Variants in ARHGEF10 observed in about 807,000 individuals in gnomAD.
The protein encoded by ARHGEF10 is Rho guanine nucleotide exchange factor (GEF) 10.
In ARHGEF10, 140 loss-of-function variants were observed where a neutral mutation model predicts 147.4. The observed-to-expected ratio is 0.95, with a 90% confidence interval of 0.83 to 1.09. The LOEUF is 1.09. Among genes scored for constraint, ARHGEF10 ranks in the 50% least tolerant of loss-of-function variants. The probability of loss-of-function intolerance (pLI) is 0.00; values close to 1 mark genes in which losing one functional copy is unlikely to be tolerated. For missense variants in ARHGEF10, 2,222 were observed against 1,752.7 expected, an observed-to-expected ratio of 1.27 and a Z score of -4.78; for synonymous variants, 902 against 695.8, an observed-to-expected ratio of 1.30 and a Z score of -4.67.
At chr8:1,889,084 C>A (rs1479315220) in intron 11 of ARHGEF10, among the ~76,000 whole-genome samples, 6 of 56,168 alleles carry the variant, frequency 1.1e-4, no homozygotes, top group African/African-American at 4.5e-4. Context: ...GGTGAGGGGT[C>A]CGTGAGGAGA....
At chr8:1,847,277 A>G (rs1399918467) in intron 2 of ARHGEF10, among the ~76,000 whole-genome samples, 2 of 152,190 alleles carry the variant, frequency 1.3e-5, no homozygotes, top group East Asian at 3.9e-4. Context: ...AACCCCTCTC[A>G]TAAGTTTGGG....
In ARHGEF10 at chr8:1,945,633, C is replaced by T. The variant is rs1281477479; in HGVS notation, c.3375C>T (p.Thr1125=). The change falls in exon 27 of 29, where the codon ACC becomes ACT. Residue 1125 remains threonine, a synonymous_variant. Coordinates refer to ENST00000349830, the MANE Select transcript of ARHGEF10 (RefSeq NM_014629.4). ...LKHLQDINIA[T]PVHNMLPGHQ... ...ACCTGCAGGACATCAACATCGCCAC[C>T]CCTGTTCACAACATGCTGCCAGGTA... is the stretch of plus-strand genomic sequence containing the variant. The T allele has an allele frequency of 6.2e-7, 1 of 1,614,258 alleles. No homozygotes were observed. The highest frequency in any genetic ancestry group is 2.2e-5 in the East Asian group (1 of 44,876).
chr8:1,888,192 GCGAGGAGACAC>G (rs1808916069), intron 11 of ARHGEF10, among the ~76,000 whole-genome samples: 1 of 46,130 alleles, frequency 2.2e-5, no homozygotes, highest in Non-Finnish European at 4.2e-5. Context: ...GTGAGGGTTT[GCGAGGAGACAC>G]TTAGTGGGGC....
chr8:1,930,745 G>T (rs1326561672), intron 25 of ARHGEF10, among the ~76,000 whole-genome samples: 4 of 152,238 alleles, frequency 2.6e-5, no homozygotes, highest in African/African-American at 9.6e-5. Flanking sequence ...CCTGCTCCAC[G>T]GGGACGGCCC....
chr8:1,858,203 A>G lies in ARHGEF10; in HGVS notation c.193+88A>G, dbSNP rs376516046. ...GGGTCCCCATGTGAGTCACCAGGTGAGTTCCCAGGTGAGTCCCCAGGTGAG... is the reference window on the plus strand; with the variant it reads ...GGGTCCCCATGTGAGTCACCAGGTGGGTTCCCAGGTGAGTCCCCAGGTGAG... On this transcript the variant is annotated intron_variant, in intron 3 of 28. Coordinates refer to ENST00000349830, the MANE Select transcript of ARHGEF10 (RefSeq NM_014629.4). 7,142 of 1,098,012 alleles carry G rather than the reference A, an allele frequency of 6.5e-3. 11 individuals are homozygous for G. The highest frequency in any genetic ancestry group is 0.02 in the East Asian group (627 of 31,818). The allele number at this position is 1,098,012 out of a possible 1,614,324, so 68.0% of individuals were successfully genotyped here.
chr8:1,916,439 A>G (rs1811765593), intron 18 of ARHGEF10, among the ~76,000 whole-genome samples: 1 of 152,204 alleles, frequency 6.6e-6, no homozygotes, highest in Non-Finnish European at 1.5e-5. Context: ...TGACAGTGTG[A>G]TGTTCACGTT....
Position 1,876,732 on chromosome 8 carries a change from C to T in ARHGEF10, c.841C>T (p.Gln281Ter). ...CTTCCTGCGCAGCAACCACAAAAAGCAAGTACGTGTTCCCTGCACATGTGA... is the reference window on the plus strand; with the variant it reads ...CTTCCTGCGCAGCAACCACAAAAAGTAAGTACGTGTTCCCTGCACATGTGA... ...RSFLRSNHKKQLSHDLTRLKE... is the reference protein window; with the variant it reads ...RSFLRSNHKK Residue 281 changes from glutamine (Q) to a stop codon, truncating the protein, a stop_gained and splice_region_variant, in exon 8 of 29, where the codon CAA becomes TAA. Coordinates refer to ENST00000349830, the MANE Select transcript of ARHGEF10 (RefSeq NM_014629.4). LOFTEE classifies it high-confidence loss of function. 1 of 1,614,128 alleles carries T rather than the reference C, an allele frequency of 6.2e-7. No homozygotes were observed. Among genetic ancestry groups the T allele is most frequent in the Non-Finnish European group, 8.5e-7 (1 of 1,180,000 alleles).
At chr8:1,835,012 C>G (rs1029839721) in intron 1 of ARHGEF10, among the ~76,000 whole-genome samples, 1 of 152,348 alleles carries the variant, frequency 6.6e-6, no homozygotes, top group East Asian at 1.9e-4. Flanking sequence ...CAAGCGGGTC[C>G]GCCACAACGC....
intron 5 of ARHGEF10, among the ~76,000 whole-genome samples, chr8:1,866,199 C>T (rs1040516213): frequency 6.6e-6 from 1 of 152,156 alleles, no homozygotes; most frequent in East Asian, 1.9e-4. Context: ...CTAAGAGGTC[C>T]TCAAAGGGGT....
intron 27 of ARHGEF10, among the ~76,000 whole-genome samples, chr8:1,949,840 TG>T (rs1044629414): frequency 1.5e-4 from 23 of 152,274 alleles, no homozygotes; most frequent in African/African-American, 5.3e-4. Flanking sequence ...CTTTGTTTTA[TG>T]TTCCAGGCTG....
chr8:1,894,662 T>C, intron 13 of ARHGEF10, 90 bp downstream of exon 13: 1 of 1,438,762 alleles, frequency 7.0e-7, no homozygotes, highest in African/African-American at 1.4e-5. Context: ...GCCCCTGATC[T>C]CCTGCAAGCT....
chr8:1,837,619 T>G (rs1366337422), intron 1 of ARHGEF10, among the ~76,000 whole-genome samples: 2 of 152,164 alleles, frequency 1.3e-5, no homozygotes, highest in African/African-American at 4.8e-5. Flanking sequence ...TGGTGTTGTG[T>G]TCATTCTTGA....
At chr8:1,903,541 A>G (rs775929498) in intron 16 of ARHGEF10, 90 bp downstream of exon 16, 2 of 1,536,032 alleles carry the variant, frequency 1.3e-6, no homozygotes, top group Middle Eastern at 1.8e-4. Context: ...AATCTTTTGG[A>G]TCGTTTGGAG....
chr8:1,878,645 A>G (rs1307691491), intron 8 of ARHGEF10, among the ~76,000 whole-genome samples: 1 of 152,002 alleles, frequency 6.6e-6, no homozygotes, highest in Non-Finnish European at 1.5e-5. Context: ...AATGCTCTTC[A>G]GTTTCGCCTT....
rs1182074136 is a variant in ARHGEF10 at position 1,933,787 on chromosome 8, A to G, written c.3080-13A>G. On this transcript the variant is annotated splice_polypyrimidine_tract_variant and intron_variant, in intron 25 of 28. Transcript: ENST00000349830. ...AAACTGAACTTGAATGAAATGAAAT[A>G]TTTTCTTTTAAGATGGATCCTGGGA... is the stretch of plus-strand genomic sequence containing the variant. The G allele has an allele frequency of 5.0e-6, 8 of 1,613,962 alleles. No homozygotes were observed. In the African/African-American group the frequency reaches 6.7e-5, roughly 13 times the overall value.
At chr8:1,892,741 G>A (rs941343413) in intron 11 of ARHGEF10, among the ~76,000 whole-genome samples, 2 of 152,062 alleles carry the variant, frequency 1.3e-5, no homozygotes, top group Non-Finnish European at 2.9e-5. Flanking sequence ...GTGCCCGGGC[G>A]TGTGTTCATA....
At position 1,937,239 on chromosome 8, in the gene ARHGEF10, C is replaced by T. The variant is rs769406884; in HGVS notation, c.3222+3297C>T. On this transcript the variant is annotated intron_variant, in intron 26 of 28. Transcript: ENST00000349830. This position sits in a 1 kb window ranked among gnomAD's most constrained non-coding sequence, Gnocchi z 4.9. The stretch of plus-strand genomic sequence containing the variant: ...CCTGAGAATGAGAAGCCTTCAGTTT[C>T]GTGGGGAGCCAGGGATTAGCTAGTG... Among the ~76,000 whole-genome samples, 1 of 152,156 alleles carries T rather than the reference C, an allele frequency of 6.6e-6. No homozygotes were observed. The highest frequency in any genetic ancestry group is 2.1e-4 in the South Asian group (1 of 4,822).
At chr8:1,881,158 G>C (rs938473975) in intron 9 of ARHGEF10, among the ~76,000 whole-genome samples, 1 of 152,168 alleles carries the variant, frequency 6.6e-6, no homozygotes, top group Non-Finnish European at 1.5e-5. Flanking sequence ...AGGAAGGCTG[G>C]GGAGGCAGCC....
At chr8:1,896,745 C>G (rs1810004814) in intron 14 of ARHGEF10, among the ~76,000 whole-genome samples, 1 of 152,194 alleles carries the variant, frequency 6.6e-6, no homozygotes, top group Admixed American at 6.5e-5. Context: ...CCTCACTGTC[C>G]TTCGGTATGG....
Sources: allele counts gnomAD v4.1 joint callset (sites outside exome capture counted in the v4.1 genomes callset), GRCh38; gene constraint gnomAD v4.1.1; non-coding constraint Gnocchi (gnomAD v3.1); transcripts MANE v1.5; gene names NCBI Gene and HGNC (gene_info 2026-07-23, HGNC 2026-07-21).